Variants in PTPN9 observed in about 807,000 individuals in gnomAD.
PTPN9 encodes the protein protein tyrosine phosphatase non-receptor type 9.
PTPN9 carries 26 observed loss-of-function variants against 69.8 expected under a neutral mutation model. The observed-to-expected ratio is 0.37, with a 90% CI of 0.27 to 0.52. PTPN9 has a LOEUF of 0.52. Ranked by LOEUF, PTPN9 falls within the 20% of genes least tolerant of loss-of-function variation. The pLI is 0.91. For synonymous variants in PTPN9, 274 were observed against 272.5 expected (o/e 1.01, Z -0.05); for missense variants, 549 against 740.3 (o/e 0.74, Z 3.00).
intron 7 of PTPN9, among the ~76,000 whole-genome samples, chr15:75,504,437 A>G (rs1197732995): frequency 0.01 from 532 of 51,698 alleles, no homozygotes; most frequent in Middle Eastern, 0.02. Context: ...AGGTGGGGGG[A>G]TCAGCCCCCC....
At chr15:75,565,017 C>G (rs1381594423) in intron 1 of PTPN9, among the ~76,000 whole-genome samples, 3 of 151,388 alleles carry the variant, frequency 2.0e-5, no homozygotes, top group African/African-American at 7.3e-5. Context: ...AGGAGAACTG[C>G]TTGAACCCGG....
chr15:75,509,156 T>A (rs773641571), intron 5 of PTPN9, 129 bp from the exon 6 acceptor site: 1 of 656,398 alleles, frequency 1.5e-6, no homozygotes, highest in Non-Finnish European at 2.6e-6. Context: ...TCAGGTTTGA[T>A]CTCAGCAGCT....
intron 1 of PTPN9, among the ~76,000 whole-genome samples, chr15:75,560,605 C>T (rs137958964): frequency 2.0e-3 from 310 of 152,344 alleles, no homozygotes; most frequent in African/African-American, 7.3e-3. Flanking sequence ...GGTGCAGAGG[C>T]TCACACCTGT....
chr15:75,579,054 T>C lies in PTPN9; in HGVS notation c.-278A>G, dbSNP rs2075187733. On this transcript the variant is annotated 5_prime_UTR_variant, in exon 1 of 13. Coordinates refer to ENST00000618819, the MANE Select transcript of PTPN9 (RefSeq NM_002833.4). ...CCCTTATCTCCTGGGGAAGAAAAAG[T>C]GCAGGCGAAGAGCTAACAGCCACTC... 4.5e-6 allele frequency: 1 copy of C among 222,868 alleles called. No individual in the cohort carries two copies. The highest frequency in any genetic ancestry group is 1.8e-4 in the South Asian group (1 of 5,468). The allele number at this position is 222,868 out of a possible 1,614,324, so 13.8% of individuals were successfully genotyped here.
chr15:75,471,612 A>AG (rs2074565949), intron 10 of PTPN9, among the ~76,000 whole-genome samples: 2 of 150,766 alleles, frequency 1.3e-5, no homozygotes, highest in Non-Finnish European at 3.0e-5. Context: ...CAAAAAAGAA[A>AG]AAAAAAAAAA....
intron 1 of PTPN9, among the ~76,000 whole-genome samples, chr15:75,562,724 C>T (rs1244395530): frequency 7.4e-6 from 1 of 135,960 alleles, no homozygotes; most frequent in East Asian, 2.2e-4. Context: ...CCCAGCTACT[C>T]GGGAGGCTGA....
At chr15:75,546,807 G>C (rs2075035253) in intron 1 of PTPN9, among the ~76,000 whole-genome samples, 1 of 151,966 alleles carries the variant, frequency 6.6e-6, no homozygotes, top group Non-Finnish European at 1.5e-5. Flanking sequence ...CCAGACTAAG[G>C]AGAAATACTA....
At chr15:75,558,415 G>A (rs1217978225) in intron 1 of PTPN9, among the ~76,000 whole-genome samples, 1 of 152,140 alleles carries the variant, frequency 6.6e-6, no homozygotes, top group Non-Finnish European at 1.5e-5. Context: ...GCTGAGGCAC[G>A]AGAACTGCTT....
intron 1 of PTPN9, among the ~76,000 whole-genome samples, chr15:75,539,160 G>T (rs1324749309): frequency 6.6e-6 from 1 of 152,132 alleles, no homozygotes; most frequent in Admixed American, 6.6e-5. Context: ...TTTTGGCCAG[G>T]ATGGTCTTGA....
intron 8 of PTPN9, among the ~76,000 whole-genome samples, chr15:75,489,788 A>G (rs2074699039): frequency 1.3e-5 from 2 of 152,240 alleles, no homozygotes; most frequent in African/African-American, 2.4e-5. Flanking sequence ...TTATGTATAC[A>G]TAAGTTGTCC....
rs545550606 is a variant in PTPN9, at chr15:75,468,533, G to C, written c.*236C>G. 24 of 448,448 alleles carry C rather than the reference G, an allele frequency of 5.4e-5. No individual in the cohort carries two copies. Among genetic ancestry groups the C allele is most frequent in the Non-Finnish European group, 8.9e-5 (22 of 247,190 alleles). The allele number at this position is 448,448 out of a possible 1,614,324, so 27.8% of individuals were successfully genotyped here. A position where few individuals can be genotyped will look rare whatever the true frequency, so the allele number is the denominator to read the frequency against. On this transcript the variant is annotated 3_prime_UTR_variant, in exon 13 of 13. Transcript: ENST00000618819. ...CACAATTTGGTTTTAATAAGGCACA[G>C]TTTGATAGCAGATGCTAGGAATTAA...
At chr15:75,501,217 G>C (rs1376610735) in intron 7 of PTPN9, among the ~76,000 whole-genome samples, 1 of 152,138 alleles carries the variant, frequency 6.6e-6, no homozygotes, top group Non-Finnish European at 1.5e-5. Flanking sequence ...CTGGACAGGA[G>C]TTACAAGAGA....
At chr15:75,502,969 G>A (rs1258156934) in intron 7 of PTPN9, among the ~76,000 whole-genome samples, 1 of 152,212 alleles carries the variant, frequency 6.6e-6, no homozygotes, top group African/African-American at 2.4e-5. Flanking sequence ...GTGCAGTGGC[G>A]TGATCTCAGC....
chr15:75,494,194 G>A (rs1258748219), intron 7 of PTPN9, among the ~76,000 whole-genome samples: 1 of 149,750 alleles, frequency 6.7e-6, no homozygotes, highest in Admixed American at 6.7e-5. Context: ...GAGCGCGAGC[G>A]AGAACTAACA....
At position 75,472,779 on chromosome 15, in the gene PTPN9, C is replaced by CAAAA. The variant is rs71440239; in HGVS notation, c.1208+906_1208+909dup. ...GGGTGACAGAGCAAGACACCATCTCCAAAAAAAAAAAAAAAGATATTAGCC... is the reference window on the plus strand; with the variant it reads ...GGGTGACAGAGCAAGACACCATCTCCAAAAAAAAAAAAAAAAAAAGATATTAGCC... On this transcript the variant is annotated intron_variant, in intron 10 of 12. Coordinates refer to ENST00000618819, the MANE Select transcript of PTPN9 (RefSeq NM_002833.4). 4.6e-3 allele frequency among the ~76,000 whole-genome samples: 624 copies of CAAAA among 136,148 alleles called. 9 individuals are homozygous for CAAAA. Among genetic ancestry groups the CAAAA allele is most frequent in the Non-Finnish European group, 5.1e-3 (331 of 64,302 alleles). 89.3% of individuals were successfully genotyped at this position (136,148 alleles called of 152,430 possible).
chr15:75,472,234 C>T (rs961993000), intron 10 of PTPN9, among the ~76,000 whole-genome samples: 2 of 143,866 alleles, frequency 1.4e-5, no homozygotes, highest in South Asian at 2.2e-4. Context: ...CCGAGGCAGG[C>T]GGATCACGAG....
intron 1 of PTPN9, among the ~76,000 whole-genome samples, chr15:75,556,064 G>C (rs1253231137): frequency 6.8e-6 from 1 of 146,276 alleles, no homozygotes; most frequent in Non-Finnish European, 1.5e-5. Flanking sequence ...AAAAAAGAGA[G>C]AGAGGCACTA....
rs112047389 is a variant in PTPN9, at chr15:75,477,890, G to C, written c.1129+1958C>G. The stretch of plus-strand genomic sequence containing the variant: ...GAGCCTTCCTCTGTCGCCCAGGCTG[G>C]AGTGCAATGGCGCAGTCGCAGTCCA... On this transcript the variant is annotated intron_variant, in intron 9 of 12. Transcript: ENST00000618819. Among the ~76,000 whole-genome samples the C allele has an allele frequency of 5.5e-3, 801 of 146,290 alleles. 6 individuals carry two copies. The highest frequency in any genetic ancestry group is 0.019 in the African/African-American group (743 of 39,408).
chr15:75,529,788 T>C (rs367631107), intron 1 of PTPN9, among the ~76,000 whole-genome samples: 1 of 151,830 alleles, frequency 6.6e-6, no homozygotes, highest in African/African-American at 2.4e-5. Flanking sequence ...TGCATGTCTG[T>C]AATCCCAGCT....
Sources: allele counts gnomAD v4.1 joint callset (sites outside exome capture counted in the v4.1 genomes callset), GRCh38; gene constraint gnomAD v4.1.1; transcripts MANE v1.5; gene names NCBI Gene and HGNC (gene_info 2026-07-23, HGNC 2026-07-21).